MAD1L1: variants seen among roughly 807,000 people sequenced by gnomAD.
The protein encoded by MAD1L1 is mitotic arrest deficient 1 like 1.
A neutral mutation model predicts 96.9 loss-of-function variants in MAD1L1; 95 were observed. That is an observed-to-expected ratio of 0.98 (90% CI 0.83 to 1.16). MAD1L1 has a LOEUF of 1.16. Ranked by LOEUF, MAD1L1 falls within the 50% of genes most tolerant of loss-of-function variation. The pLI, the probability that MAD1L1 is intolerant of heterozygous loss-of-function variation, is 0.00. For missense variants in MAD1L1, 1,007 were observed against 954.4 expected (o/e 1.06, Z -0.73); for synonymous variants, 473 against 396.6 (o/e 1.19, Z -2.29).
At chr7:2,021,180 G>A (rs901182636) in intron 12 of MAD1L1, among the ~76,000 whole-genome samples, 4 of 152,172 alleles carry the variant, frequency 2.6e-5, no homozygotes, top group African/African-American at 7.2e-5. Context: ...GATAATGGCC[G>A]AGATTTGTCA....
intron 18 of MAD1L1, among the ~76,000 whole-genome samples, chr7:1,830,421 C>A (rs1307442089): frequency 1.3e-5 from 2 of 152,072 alleles, no homozygotes; most frequent in African/African-American, 4.8e-5. Flanking sequence ...AAAATAAAAA[C>A]AAACATGGGC....
chr7:1,828,250 G>A (rs1005636857), intron 18 of MAD1L1, among the ~76,000 whole-genome samples: 1 of 152,206 alleles, frequency 6.6e-6, no homozygotes, highest in African/African-American at 2.4e-5. Flanking sequence ...CAGTCAGGAA[G>A]GGTGGCGGGC....
chr7:1,881,432 G>A (rs10244946), intron 18 of MAD1L1, among the ~76,000 whole-genome samples: 51,904 of 152,094 alleles, frequency 0.34, 10,091 homozygotes, highest in Admixed American at 0.46. Flanking sequence ...ATCAATCTAC[G>A]AGGACCCTAA....
chr7:2,220,300 C>A (rs1489227768), intron 5 of MAD1L1, among the ~76,000 whole-genome samples: 5 of 152,344 alleles, frequency 3.3e-5, no homozygotes, highest in Admixed American at 3.3e-4. Flanking sequence ...GACAGCAGGT[C>A]TGCCTGACAT....
At chr7:1,827,138 G>T (rs1242822819) in intron 18 of MAD1L1, among the ~76,000 whole-genome samples, 1 of 152,202 alleles carries the variant, frequency 6.6e-6, no homozygotes, top group African/African-American at 2.4e-5. Context: ...CGCCACGGGC[G>T]GCTCCAAGGG....
At chr7:1,873,688 G>A (rs1279551639) in intron 18 of MAD1L1, among the ~76,000 whole-genome samples, 4 of 152,230 alleles carry the variant, frequency 2.6e-5, no homozygotes, top group Middle Eastern at 3.4e-3. Context: ...ACCACCATGG[G>A]GGAGTGGGCA....
At chr7:1,861,829 A>T (rs1784546992) in intron 18 of MAD1L1, among the ~76,000 whole-genome samples, 1 of 46,266 alleles carries the variant, frequency 2.2e-5, no homozygotes, top group Non-Finnish European at 4.2e-5. Context: ...GGTTGGAGGG[A>T]CACTGCTCCG....
intron 10 of MAD1L1, among the ~76,000 whole-genome samples, chr7:2,166,320 TG>T (rs1421924348): frequency 4.6e-5 from 7 of 152,096 alleles, no homozygotes; most frequent in Non-Finnish European, 1.0e-4. Flanking sequence ...AATGAAGAAA[TG>T]CCGGCTTTAC....
At position 2,230,031 on chromosome 7, in the gene MAD1L1, T is replaced by C. The variant is rs1185063156; in HGVS notation, c.103A>G (p.Thr35Ala). The change falls in exon 3 of 19, where the codon ACC (threonine) becomes GCC (alanine). Residue 35 changes from threonine (T) to alanine (A), a missense_variant. Transcript: ENST00000265854. ...ATCTGCAGAGAACCTGGGGCCGAGG[T>C]AGAAATATCCAGTCCAGAGCCTCCC... is the stretch of plus-strand genomic sequence containing the variant. ...VEGGSGLDIS[T>A]SAPGSLQMQY... 1 of 1,613,624 alleles carries C rather than the reference T, an allele frequency of 6.2e-7. No homozygotes were observed. Among genetic ancestry groups the C allele is most frequent in the Non-Finnish European group, 8.5e-7 (1 of 1,179,980 alleles).
intron 18 of MAD1L1, among the ~76,000 whole-genome samples, chr7:1,823,958 G>C (rs1483154923): frequency 6.6e-6 from 1 of 152,204 alleles, no homozygotes; most frequent in Non-Finnish European, 1.5e-5. Flanking sequence ...TGTGGGGAGA[G>C]GAAAGGAGCC....
At position 2,161,338 on chromosome 7, in the gene MAD1L1, C is replaced by A. The variant is rs62443027; in HGVS notation, c.987-12100G>T. 8.7e-4 allele frequency among the ~76,000 whole-genome samples: 132 copies of A among 151,742 alleles called. 1 individual carries two copies. Among genetic ancestry groups the A allele is most frequent in the African/African-American group, 3.1e-3 (128 of 41,318 alleles). On this transcript the variant is annotated intron_variant, in intron 10 of 18. Coordinates refer to ENST00000265854, the MANE Select transcript of MAD1L1 (RefSeq NM_001013836.2). ...GGCCAGGCTGGTCTCAGCTCCTGAC[C>A]GCGAGTGATCTGCCAGCCTCGGCCT...
At chr7:2,027,065 AC>A (rs752430017) in intron 12 of MAD1L1, among the ~76,000 whole-genome samples, 60 of 152,196 alleles carry the variant, frequency 3.9e-4, no homozygotes, top group Non-Finnish European at 7.6e-4. Context: ...AATATTAAAA[AC>A]ATGACAATAA....
intron 11 of MAD1L1, among the ~76,000 whole-genome samples, chr7:2,090,431 G>T (rs760519657): frequency 3.3e-5 from 5 of 152,200 alleles, no homozygotes; most frequent in Non-Finnish European, 5.9e-5. Context: ...CAGAAAAGTT[G>T]TCAGGACAGT....
At chr7:1,939,743 G>A (rs73051854) in intron 16 of MAD1L1, among the ~76,000 whole-genome samples, 5,098 of 151,940 alleles carry the variant, frequency 0.034, 190 homozygotes, top group Admixed American at 0.098. Flanking sequence ...CACACCCCAC[G>A]GGGTGAAGAG....
At chr7:2,032,730 G>A (rs1021707594) in intron 12 of MAD1L1, among the ~76,000 whole-genome samples, 2 of 152,188 alleles carry the variant, frequency 1.3e-5, no homozygotes, top group Non-Finnish European at 2.9e-5. Context: ...CAGGGCTGTG[G>A]GCTCCCACCA....
chr7:1,838,513 G>A (rs1241202272), intron 18 of MAD1L1: 27 of 327,076 alleles, frequency 8.3e-5, no homozygotes, highest in South Asian at 1.6e-4. Flanking sequence ...CAAATGGAGC[G>A]TCAGCACGTG....
At chr7:2,060,243 C>CGCCGATGCT (rs1784588306) in intron 12 of MAD1L1, among the ~76,000 whole-genome samples, 1 of 147,444 alleles carries the variant, frequency 6.8e-6, no homozygotes, top group African/African-American at 2.5e-5. Context: ...ACGCCGATGC[C>CGCCGATGCT]GAGATACGCC....
At chr7:1,841,255 T>A (rs945058012) in intron 18 of MAD1L1, among the ~76,000 whole-genome samples, 2 of 152,162 alleles carry the variant, frequency 1.3e-5, no homozygotes, top group African/African-American at 4.8e-5. Context: ...GAGAATTTCG[T>A]CTCTCCAGTC....
At position 2,216,266 on chromosome 7, in the gene MAD1L1, G is replaced by A. The variant is rs781015189; in HGVS notation, c.700C>T (p.Leu234=). 1 of 1,614,092 alleles carries A rather than the reference G, an allele frequency of 6.2e-7. No individual in the cohort carries two copies. The highest frequency in any genetic ancestry group is 2.2e-5 in the East Asian group (1 of 44,876). ...QIKDLEQKLS[L]QEQDAAIVKN... ...ACAATCGCTGCATCCTGCTCTTGCA[G>A]GGACAGCTTCTGCTCCAGATCCTGA... The change falls in exon 8 of 19, where the codon CTG becomes TTG. Residue 234 remains leucine, a synonymous_variant. Transcript: ENST00000265854.
Sources: allele counts gnomAD v4.1 joint callset (sites outside exome capture counted in the v4.1 genomes callset), GRCh38; gene constraint gnomAD v4.1.1; transcripts MANE v1.5; gene names NCBI Gene and HGNC (gene_info 2026-07-23, HGNC 2026-07-21).